NXPH1: variants seen among roughly 807,000 people sequenced by gnomAD.
NXPH1 encodes the protein neurexophilin 1.
Under a neutral mutation model 23.7 loss-of-function variants are expected in NXPH1, and 5 were observed. The observed-to-expected ratio is 0.21, with a 90% CI of 0.11 to 0.44. The LOEUF (loss-of-function observed/expected upper bound fraction) is 0.44. NXPH1 is among the 20% of genes least tolerant of loss of function. NXPH1 has a pLI of 0.99. For synonymous variants in NXPH1, 144 were observed against 122.2 expected (o/e 1.18, Z -1.18); for missense variants, 324 against 321.6 (o/e 1.01, Z -0.06).
At chr7:8,708,332 G>A (rs972195936) in intron 2 of NXPH1, among the ~76,000 whole-genome samples, 32 of 151,950 alleles carry the variant, frequency 2.1e-4, no homozygotes, top group Non-Finnish European at 8.8e-5. Context: ...TACCTAGAAT[G>A]CATGTTTTTC....
chr7:8,733,306 C>A (rs1399103150), intron 2 of NXPH1, among the ~76,000 whole-genome samples: 2 of 152,124 alleles, frequency 1.3e-5, no homozygotes, highest in Non-Finnish European at 2.9e-5. Context: ...GGTTCCAAGT[C>A]TTTGCTATTG....
chr7:8,613,579 T>G lies in NXPH1; in HGVS notation c.55-137429T>G, dbSNP rs112891351. 2.3e-3 allele frequency among the ~76,000 whole-genome samples: 353 copies of G among 152,102 alleles called. 2 individuals carry two copies. The highest frequency in any genetic ancestry group is 7.9e-3 in the African/African-American group (330 of 41,550). On this transcript the variant is annotated intron_variant, in intron 2 of 2. Transcript: ENST00000405863. ...GAAAATGCAGATTAGGGAAAATGACTGGTTAATGTAGGATATCTTTGTAAA... is the reference window on the plus strand; with the variant it reads ...GAAAATGCAGATTAGGGAAAATGACGGGTTAATGTAGGATATCTTTGTAAA...
intron 2 of NXPH1, among the ~76,000 whole-genome samples, chr7:8,664,349 A>C (rs1820727537): frequency 6.6e-6 from 1 of 152,076 alleles, no homozygotes. Context: ...TGCACAAAGC[A>C]CACTTCACAT....
chr7:8,466,381 G>A (rs1163710503), intron 2 of NXPH1, among the ~76,000 whole-genome samples: 2 of 152,152 alleles, frequency 1.3e-5, no homozygotes, highest in East Asian at 1.9e-4. Context: ...TTTTTATTAG[G>A]TCAGCAGAAC....
At chr7:8,672,125 C>T (rs149896369) in intron 2 of NXPH1, among the ~76,000 whole-genome samples, 2,707 of 152,198 alleles carry the variant, frequency 0.018, 82 homozygotes, top group African/African-American at 0.061. Context: ...GGCACATATA[C>T]ACCATGGAAT....
intron 2 of NXPH1, among the ~76,000 whole-genome samples, chr7:8,736,138 C>G (rs1175809491): frequency 6.6e-6 from 1 of 152,142 alleles, no homozygotes; most frequent in Non-Finnish European, 1.5e-5. Flanking sequence ...TTCAGTTCTG[C>G]TCTGATCTTA....
chr7:8,665,570 G>T (rs1820747138), intron 2 of NXPH1, among the ~76,000 whole-genome samples: 2 of 151,862 alleles, frequency 1.3e-5, no homozygotes, highest in South Asian at 4.1e-4. Flanking sequence ...CATTGGGATA[G>T]TTATAGAATT....
At chr7:8,636,835 A>C (rs2349499) in intron 2 of NXPH1, among the ~76,000 whole-genome samples, 51,292 of 152,080 alleles carry the variant, frequency 0.34, 9,264 homozygotes, top group African/African-American at 0.46. Flanking sequence ...TTACTTCCAA[A>C]TGAATATGAA....
At chr7:8,655,502 G>GCA (rs1275205107) in intron 2 of NXPH1, among the ~76,000 whole-genome samples, 9 of 11,648 alleles carry the variant, frequency 7.7e-4, no homozygotes, top group Admixed American at 1.7e-3. Flanking sequence ...TCCATCACAC[G>GCA]CACACACACA....
intron 2 of NXPH1, among the ~76,000 whole-genome samples, chr7:8,712,158 T>C (rs1779808287): frequency 6.6e-6 from 1 of 152,236 alleles, no homozygotes; most frequent in African/African-American, 2.4e-5. Flanking sequence ...CAAGCATCTT[T>C]ATGTTTAGAT....
intron 2 of NXPH1, among the ~76,000 whole-genome samples, chr7:8,682,570 A>C (rs555196333): frequency 6.6e-6 from 1 of 152,356 alleles, no homozygotes; most frequent in South Asian, 2.1e-4. Context: ...TCCTATTCTT[A>C]TATCATCTGG....
At chr7:8,641,859 G>A (rs181120374) in intron 2 of NXPH1, among the ~76,000 whole-genome samples, 2 of 152,136 alleles carry the variant, frequency 1.3e-5, no homozygotes, top group African/African-American at 4.8e-5. Context: ...TCTTAGCTTA[G>A]TTTTCTGTGA....
chr7:8,746,864 CTTT>C (rs35644956), intron 2 of NXPH1, among the ~76,000 whole-genome samples: 1 of 147,368 alleles, frequency 6.8e-6, no homozygotes, highest in African/African-American at 2.5e-5. Context: ...CCACAGCATG[CTTT>C]TTTTTTTAAT....
At chr7:8,686,646 C>G (rs1446245257) in intron 2 of NXPH1, among the ~76,000 whole-genome samples, 1 of 152,106 alleles carries the variant, frequency 6.6e-6, no homozygotes, top group African/African-American at 2.4e-5. Flanking sequence ...GTTAGCTCCA[C>G]AAATGTGCTA....
intron 2 of NXPH1, among the ~76,000 whole-genome samples, chr7:8,518,114 A>C (rs1397617874): frequency 2.6e-5 from 4 of 152,286 alleles, no homozygotes; most frequent in Middle Eastern, 3.4e-3. Flanking sequence ...GTACATAGTA[A>C]GTGTAAAAAA....
At chr7:8,709,925 A>T (rs1025858173) in intron 2 of NXPH1, among the ~76,000 whole-genome samples, 6 of 152,202 alleles carry the variant, frequency 3.9e-5, no homozygotes, top group Non-Finnish European at 7.3e-5. Context: ...GAATCCATTG[A>T]ACCAATAGTG....
chr7:8,556,758 A>G (rs927168969), intron 2 of NXPH1, among the ~76,000 whole-genome samples: 8 of 151,738 alleles, frequency 5.3e-5, no homozygotes, highest in Non-Finnish European at 7.4e-5. Flanking sequence ...ACAAAGTCAC[A>G]TTACATAAAG....
chr7:8,527,182 T>C (rs578088141), intron 2 of NXPH1, among the ~76,000 whole-genome samples: 15 of 152,348 alleles, frequency 9.8e-5, no homozygotes, highest in Admixed American at 9.1e-4. Context: ...GGCAAGGCCA[T>C]TTTGAGTGGC....
rs932918772 is a variant in NXPH1, at chr7:8,653,623, C to T, written c.55-97385C>T. Among the ~76,000 whole-genome samples, 8 of 152,296 alleles carry T rather than the reference C, an allele frequency of 5.3e-5. No individual in the cohort carries two copies. In the East Asian group the frequency reaches 1.5e-3, roughly 29 times the overall value. Reference sequence around the variant, plus strand: ...GGCAGGATTTTCAAAGAAGGATAGTCTATACCAACAAGCTATTCTATATAC... The same window carrying T: ...GGCAGGATTTTCAAAGAAGGATAGTTTATACCAACAAGCTATTCTATATAC... On this transcript the variant is annotated intron_variant, in intron 2 of 2. Transcript: ENST00000405863.
Sources: gnomAD v4.1 joint callset for allele counts (sites outside exome capture counted in the v4.1 genomes callset) on GRCh38, gnomAD v4.1.1 for gene constraint, MANE v1.5 for transcripts, NCBI Gene and HGNC (gene_info 2026-07-23, HGNC 2026-07-21) for gene names.